Variants in TRANK1 observed in about 807,000 individuals in gnomAD.
TRANK1 encodes the protein TPR and ankyrin repeat-containing protein 1.
In TRANK1, 198 loss-of-function variants were observed where a neutral mutation model predicts 266.0. The observed-to-expected ratio is 0.74, with a 90% confidence interval of 0.66 to 0.84. The LOEUF is 0.84. Ranked by LOEUF, TRANK1 falls within the 40% of genes least tolerant of loss-of-function variation. The probability of loss-of-function intolerance (pLI) is 0.00; values close to 1 mark genes in which losing one functional copy is unlikely to be tolerated. For synonymous variants in TRANK1, 1,396 were observed against 1,384.1 expected (o/e 1.01, Z -0.19); for missense variants, 3,326 against 3,634.6 (o/e 0.92, Z 2.18).
intron 8 of TRANK1, among the ~76,000 whole-genome samples, chr3:36,881,386 T>C (rs201412682): frequency 1.3e-5 from 2 of 151,818 alleles, no homozygotes; most frequent in African/African-American, 4.8e-5. Flanking sequence ...GAGGCAGAGC[T>C]TGCAGTGAGC....
chr3:36,864,066 A>G (rs1055961518), intron 10 of TRANK1, among the ~76,000 whole-genome samples: 2 of 152,174 alleles, frequency 1.3e-5, no homozygotes, highest in African/African-American at 4.8e-5. Flanking sequence ...AAATGACTGT[A>G]TATGCAAAGA....
chr3:36,877,654 A>C (rs893729519), intron 8 of TRANK1, among the ~76,000 whole-genome samples: 2 of 152,238 alleles, frequency 1.3e-5, no homozygotes, highest in East Asian at 3.8e-4. Flanking sequence ...TGAAGAAAGC[A>C]AGTTGCTGAA....
Position 36,856,956 on chromosome 3 carries a change from C to T in TRANK1, c.2766G>A (p.Glu922=), listed in dbSNP as rs1479728400. 2 of 1,613,778 alleles carry T rather than the reference C, an allele frequency of 1.2e-6. No homozygotes were observed. The highest frequency in any genetic ancestry group is 1.7e-6 in the Non-Finnish European group (2 of 1,179,816). The change falls in exon 13 of 24, where the codon GAG becomes GAA. Residue 922 remains glutamate, a synonymous_variant. Transcript: ENST00000645898. ...ATTTCTCCATTGCACACGTGTTCTG[C>T]TCCGTGGCAATGATCTTCTCAGGGT... ...SENPEKIIAT[E]QNTCAMEKSG...
intron 9 of TRANK1, among the ~76,000 whole-genome samples, chr3:36,865,153 G>A (rs1480963247): frequency 6.8e-6 from 1 of 147,600 alleles, no homozygotes; most frequent in Non-Finnish European, 1.5e-5. Context: ...TCTGCCTCCC[G>A]AGTAGCTGGG....
At position 36,831,440 on chromosome 3, in the gene TRANK1, G is replaced by A. The variant is rs186027341; in HGVS notation, c.8143C>T (p.Arg2715Trp). 5.9e-5 allele frequency: 95 copies of A among 1,613,018 alleles called. No individual in the cohort carries two copies. The East Asian group carries it at 8.0e-4, about 14-fold the overall frequency. ...AACTTCCGCTGTATGGAGGCCTTCC[G>A]TTGCTTTTGGGAAAGAATGGTGGCC... is the stretch of plus-strand genomic sequence containing the variant. Reference protein sequence around the residue: ...VLATILSQKQRKASIQRKLRR... With the variant: ...VLATILSQKQWKASIQRKLRR... The change falls in exon 22 of 24, where the codon CGG becomes TGG. Residue 2715 changes from arginine (R) to tryptophan (W), a missense_variant. Physicochemically the swap from Arg to Trp is moderately radical, Grantham distance 101 (BLOSUM62 -3). Coordinates refer to ENST00000645898, the MANE Select transcript of TRANK1 (RefSeq NM_001329998.2). This position sits in a 1 kb window ranked among gnomAD's most constrained non-coding sequence, Gnocchi z 5.0.
In TRANK1 at chr3:36,855,871, G is replaced by C. The variant is rs2125542685; in HGVS notation, c.3851C>G (p.Thr1284Ser). The change falls in exon 13 of 24, where the codon ACC (threonine) becomes AGC (serine). Residue 1284 changes from threonine to serine, a missense_variant. By Grantham distance (58) the Thr-to-Ser change is moderately conservative. Transcript: ENST00000645898. ...IIGWSAQEES[T>S]IPSWQEDEEE... ...TTCATCCTCTTGCCAACTAGGAATG[G>C]TTGACTCTTCCTGTGCAGACCATCC... 6.2e-7 allele frequency: 1 copy of C among 1,613,548 alleles called. No individual in the cohort carries two copies.
At chr3:36,842,485 C>A in intron 18 of TRANK1, 137 bp downstream of exon 18, 5 of 731,508 alleles carry the variant, frequency 6.8e-6, no homozygotes, top group South Asian at 6.8e-5. Context: ...CTTGAGGTGA[C>A]CTGATGTTTC....
chr3:36,873,719 C>T (rs1461972474), intron 9 of TRANK1, among the ~76,000 whole-genome samples: 1 of 151,794 alleles, frequency 6.6e-6, no homozygotes, highest in Non-Finnish European at 1.5e-5. Flanking sequence ...AGATGCTGTC[C>T]AAAATTGATA....
chr3:36,833,440 T>G lies in TRANK1; in HGVS notation c.6143A>C (p.Asp2048Ala). 1 of 1,613,824 alleles carries G rather than the reference T, an allele frequency of 6.2e-7. No homozygotes were observed. The highest frequency in any genetic ancestry group is 8.5e-7 in the Non-Finnish European group (1 of 1,179,776). Residue 2048 changes from aspartate (D) to alanine (A), a missense_variant, in exon 22 of 24, where the codon GAT becomes GCT. By Grantham distance (126) the Asp-to-Ala change is moderately radical (BLOSUM62 -2). Transcript: ENST00000645898. ...VILRDFQKLR[D>A]AFFKFDTLNH... ...GAGCGTGTCAAACTTGAAGAAGGCA[T>G]CCCTGAGCTTCTGAAAGTCTCTCAG...
At chr3:36,940,709 T>G (rs1437125882) in intron 1 of TRANK1, among the ~76,000 whole-genome samples, 2 of 152,316 alleles carry the variant, frequency 1.3e-5, no homozygotes. Context: ...CAGGTCTACA[T>G]GACATTAACT....
rs776375026 is a variant in TRANK1 at position 36,856,447 on chromosome 3, T to C, written c.3275A>G (p.Lys1092Arg). ...TTTTTCCCAGTAAACGTGGAATTTC[T>C]TCCACAATCTGTACAAGCAGCAGGT... Reference protein sequence around the residue: ...KTTCCLYRLWKKFHVYWEKAE... With the variant: ...KTTCCLYRLWRKFHVYWEKAE... Residue 1092 changes from lysine (K) to arginine (R), a missense_variant, in exon 13 of 24, where the codon AAG becomes AGG. Transcript: ENST00000645898. The C allele has an allele frequency of 3.1e-6, 5 of 1,613,916 alleles. No homozygotes were observed. In the East Asian group the frequency reaches 6.7e-5, roughly 22 times the overall value.
intron 12 of TRANK1, among the ~76,000 whole-genome samples, chr3:36,858,420 C>G (rs1443715117): frequency 6.6e-6 from 1 of 152,188 alleles, no homozygotes; most frequent in African/African-American, 2.4e-5. Context: ...TAGCAAGATC[C>G]TTCATACGCA....
chr3:36,864,262 G>A, intron 10 of TRANK1, 57 bp downstream of exon 10: 1 of 1,425,918 alleles, frequency 7.0e-7, no homozygotes, highest in Non-Finnish European at 9.2e-7. Context: ...TATTAGAAAA[G>A]AATTTTAATG....
At chr3:36,931,937 T>C (rs1206808099) in intron 1 of TRANK1, among the ~76,000 whole-genome samples, 1 of 151,984 alleles carries the variant, frequency 6.6e-6, no homozygotes, top group Non-Finnish European at 1.5e-5. Flanking sequence ...TCTGGAAGGA[T>C]CCCCTAGAAA....
At position 36,857,030 on chromosome 3, in the gene TRANK1, G is replaced by A. The variant is rs749518457; in HGVS notation, c.2692C>T (p.Arg898Trp). ...TCAATGGCGAGCTCCCAGAGCATCC[G>A]GGCTCCTTTGTCCAGCTTAGCTTCG... ...LFEAKLDKGARMLWELAIDFS... is the reference protein window; with the variant it reads ...LFEAKLDKGAWMLWELAIDFS... The change falls in exon 13 of 24, where the codon CGG becomes TGG. Residue 898 changes from arginine (R) to tryptophan (W), a missense_variant. Arg to Trp is a moderately radical substitution (Grantham distance 101). Coordinates refer to ENST00000645898, the MANE Select transcript of TRANK1 (RefSeq NM_001329998.2). This position sits in a 1 kb window ranked among gnomAD's most constrained non-coding sequence, Gnocchi z 4.3. The A allele has an allele frequency of 1.1e-5, 18 of 1,613,772 alleles. No homozygotes were observed. Among genetic ancestry groups the A allele is most frequent in the South Asian group, 7.7e-5 (7 of 91,080 alleles).
chr3:36,830,773 A>T (rs1417976946), intron 22 of TRANK1, 100 bp downstream of exon 22: 1 of 1,322,728 alleles, frequency 7.6e-7, no homozygotes, highest in East Asian at 2.5e-5. Context: ...AGATTCCACC[A>T]TCCCCAAGTC....
chr3:36,892,372 G>A, intron 6 of TRANK1, 32 bp from the exon 7 acceptor site: 3 of 1,536,196 alleles, frequency 2.0e-6, no homozygotes, highest in South Asian at 2.4e-5. Context: ...GACAAATTAT[G>A]GAAGTCACTA....
At chr3:36,925,181 G>A (rs1261961624) in intron 1 of TRANK1, among the ~76,000 whole-genome samples, 4 of 151,998 alleles carry the variant, frequency 2.6e-5, no homozygotes, top group Non-Finnish European at 5.9e-5. Flanking sequence ...CAATCTAGGG[G>A]TCCAGATTGA....
rs371231862 is a variant in TRANK1, at chr3:36,855,278, G to A, written c.4444C>T (p.Arg1482Cys). 4.8e-5 allele frequency: 77 copies of A among 1,613,946 alleles called. No homozygotes were observed. Among genetic ancestry groups the A allele is most frequent in the African/African-American group, 2.4e-4 (18 of 74,928 alleles). ...CTGCTGGCATAATGGAACAGAGAGCGCAGATCGCTGAAGCGGAAGGCCACG... is the reference window on the plus strand; with the variant it reads ...CTGCTGGCATAATGGAACAGAGAGCACAGATCGCTGAAGCGGAAGGCCACG... ...KGVAFRFSDLRSLFHYASRNT... is the reference protein window; with the variant it reads ...KGVAFRFSDLCSLFHYASRNT... The change falls in exon 13 of 24, where the codon CGC (arginine) becomes TGC (cysteine). Residue 1482 changes from arginine (R) to cysteine (C), a missense_variant. Physicochemically the swap from Arg to Cys is radical, Grantham distance 180. Transcript: ENST00000645898.
Sources: allele counts gnomAD v4.1 joint callset (sites outside exome capture counted in the v4.1 genomes callset), GRCh38; gene constraint gnomAD v4.1.1; non-coding constraint Gnocchi (gnomAD v3.1); transcripts MANE v1.5; gene names NCBI Gene and HGNC (gene_info 2026-07-23, HGNC 2026-07-21).